The following GUCY1A2 variants were observed in gnomAD, a reference collection of about 807,000 sequenced individuals.
The protein encoded by GUCY1A2 is guanylate cyclase 1 soluble subunit alpha 2.
GUCY1A2 carries 27 observed loss-of-function variants against 63.5 expected under a neutral mutation model. The observed-to-expected ratio is 0.43, with a 90% CI of 0.31 to 0.59. The LOEUF (loss-of-function observed/expected upper bound fraction) is 0.59, where lower values mean the gene tolerates loss of function less well. GUCY1A2 is among the 20% of genes least tolerant of loss of function. GUCY1A2 has a pLI of 0.11. For synonymous variants in GUCY1A2, 364 were observed against 343.5 expected, an observed-to-expected ratio of 1.06 and a Z score of -0.66; for missense variants, 768 against 913.3, an observed-to-expected ratio of 0.84 and a Z score of 2.05.
chr11:106,855,493 A>G (rs1859417215), intron 4 of GUCY1A2, among the ~76,000 whole-genome samples: 1 of 151,572 alleles, frequency 6.6e-6, no homozygotes, highest in African/African-American at 2.4e-5. Context: ...TTTGTGGAGG[A>G]GGTGACTGCG....
At chr11:106,925,947 G>A (rs910664167) in intron 4 of GUCY1A2, among the ~76,000 whole-genome samples, 2 of 152,140 alleles carry the variant, frequency 1.3e-5, no homozygotes, top group African/African-American at 4.8e-5. Flanking sequence ...CTCTGATTAG[G>A]GTAAGGGGTA....
At chr11:106,800,980 G>C (rs533076030) in intron 5 of GUCY1A2, among the ~76,000 whole-genome samples, 2 of 152,072 alleles carry the variant, frequency 1.3e-5, no homozygotes, top group African/African-American at 2.4e-5. Context: ...CCTGTGATCA[G>C]AGCATATGCT....
At chr11:106,934,705 C>T (rs1860651458) in intron 4 of GUCY1A2, among the ~76,000 whole-genome samples, 1 of 152,100 alleles carries the variant, frequency 6.6e-6, no homozygotes, top group Non-Finnish European at 1.5e-5. Context: ...TTTTGTTATG[C>T]TTTTCCTCAG....
chr11:106,949,858 C>T (rs1392898337), intron 3 of GUCY1A2, among the ~76,000 whole-genome samples: 2 of 152,080 alleles, frequency 1.3e-5, no homozygotes, highest in East Asian at 1.9e-4. Context: ...TCTTTGGTAC[C>T]GTGCCTTGTC....
At chr11:106,857,229 T>A (rs749708105) in intron 4 of GUCY1A2, among the ~76,000 whole-genome samples, 1 of 152,086 alleles carries the variant, frequency 6.6e-6, no homozygotes, top group African/African-American at 2.4e-5. Context: ...AAGGGTCGAG[T>A]TCCTGGTGAA....
Position 106,888,337 on chromosome 11 carries a change from T to C in GUCY1A2, c.1206+51123A>G, listed in dbSNP as rs867181540. Among the ~76,000 whole-genome samples the C allele has an allele frequency of 3.3e-4, 49 of 148,130 alleles. No individual in the cohort carries two copies. The South Asian group carries it at 3.9e-3, about 12-fold the overall frequency. On this transcript the variant is annotated intron_variant, in intron 4 of 7. Coordinates refer to ENST00000526355, the MANE Select transcript of GUCY1A2 (RefSeq NM_000855.3). ...AAAATTAGCCGGGCGTGGTGGCGGG[T>C]GCCTGTAGTCCCAGCTACTCAGGAG... is the stretch of plus-strand genomic sequence containing the variant.
At chr11:106,889,813 C>A (rs888987728) in intron 4 of GUCY1A2, among the ~76,000 whole-genome samples, 3 of 152,142 alleles carry the variant, frequency 2.0e-5, no homozygotes, top group Non-Finnish European at 4.4e-5. Flanking sequence ...CAACCAAGGT[C>A]CTTCAGTGTG....
intron 4 of GUCY1A2, among the ~76,000 whole-genome samples, chr11:106,877,102 G>T (rs892652379): frequency 6.6e-6 from 1 of 151,980 alleles, no homozygotes; most frequent in Non-Finnish European, 1.5e-5. Flanking sequence ...GTTGAAAAAG[G>T]GTTCCTGATT....
chr11:106,820,253 C>A (rs915993148), intron 4 of GUCY1A2, among the ~76,000 whole-genome samples: 1 of 151,954 alleles, frequency 6.6e-6, no homozygotes, highest in Non-Finnish European at 1.5e-5. Flanking sequence ...TTATAATAAC[C>A]ATTTATTTGT....
rs74883493 is a variant in GUCY1A2 at position 106,700,657 on chromosome 11, T to C, written c.1991+7855A>G. Among the ~76,000 whole-genome samples, 115 of 152,284 alleles carry C rather than the reference T, an allele frequency of 7.6e-4. No homozygotes were observed. The East Asian group carries it at 0.02, about 26-fold the overall frequency. ...GATTATATTTCTTTTGTAAAATATG[T>C]TTACTGTTTTGGTGCTTCCATAGAG... On this transcript the variant is annotated intron_variant, in intron 7 of 7. Transcript: ENST00000526355.
intron 7 of GUCY1A2, among the ~76,000 whole-genome samples, chr11:106,704,690 TTTTA>T (rs1862876746): frequency 1.3e-5 from 2 of 152,298 alleles, no homozygotes; most frequent in South Asian, 4.1e-4. Flanking sequence ...CTTTCTACAC[TTTTA>T]GTTTGCACTG....
intron 5 of GUCY1A2, among the ~76,000 whole-genome samples, chr11:106,807,621 G>A (rs904718737): frequency 3.9e-5 from 6 of 152,116 alleles, no homozygotes; most frequent in Admixed American, 1.3e-4. Flanking sequence ...GAGTGTAAAC[G>A]TCATTGGATT....
chr11:106,880,632 C>T (rs577288244), intron 4 of GUCY1A2, among the ~76,000 whole-genome samples: 3 of 152,128 alleles, frequency 2.0e-5, no homozygotes, highest in South Asian at 4.1e-4. Flanking sequence ...TTTCTTAAAA[C>T]GTACTGGTTG....
At chr11:106,805,626 A>G (rs1209631120) in intron 5 of GUCY1A2, among the ~76,000 whole-genome samples, 2 of 152,162 alleles carry the variant, frequency 1.3e-5, no homozygotes, top group Non-Finnish European at 2.9e-5. Flanking sequence ...CTGTTTAAAA[A>G]ATATACCTCT....
intron 4 of GUCY1A2, among the ~76,000 whole-genome samples, chr11:106,893,860 G>T (rs1283056141): frequency 1.3e-5 from 2 of 152,058 alleles, no homozygotes; most frequent in Non-Finnish European, 2.9e-5. Flanking sequence ...AAAACTCCAG[G>T]GGCACCCAGT....
Position 107,017,984 on chromosome 11 carries a change from C to T in GUCY1A2, c.72G>A (p.Glu24=). The T allele has an allele frequency of 6.9e-7, 1 of 1,459,020 alleles. No homozygotes were observed. The highest frequency in any genetic ancestry group is 9.1e-7 in the Non-Finnish European group (1 of 1,094,046). 90.4% of individuals were successfully genotyped at this position (1,459,020 alleles called of 1,614,324 possible). ...LGSDYLETSP[E]EEGECPLSRL... is the part of the protein sequence containing the mutation. ...TAGACAGGGGGCACTCCCCCTCCTC[C>T]TCCGGGCTGGTCTCCAGGTAGTCGG... The change falls in exon 1 of 8, where the codon GAG becomes GAA. Residue 24 remains glutamate (E), a synonymous_variant. Coordinates refer to ENST00000526355, the MANE Select transcript of GUCY1A2 (RefSeq NM_000855.3).
At chr11:106,724,506 G>A (rs987986455) in intron 6 of GUCY1A2, among the ~76,000 whole-genome samples, 1 of 152,162 alleles carries the variant, frequency 6.6e-6, no homozygotes, top group Non-Finnish European at 1.5e-5. Flanking sequence ...TGTTTACACA[G>A]GAGGAAGCTG....
At chr11:106,770,420 T>C (rs890632969) in intron 6 of GUCY1A2, among the ~76,000 whole-genome samples, 2 of 152,164 alleles carry the variant, frequency 1.3e-5, no homozygotes, top group African/African-American at 4.8e-5. Context: ...GCAGAACTCA[T>C]GGATATGGAG....
intron 4 of GUCY1A2, among the ~76,000 whole-genome samples, chr11:106,933,148 CA>C (rs1860626976): frequency 6.6e-6 from 1 of 151,846 alleles, no homozygotes; most frequent in Non-Finnish European, 1.5e-5. Flanking sequence ...TTCTGAAAAG[CA>C]AAGTAAATGA....
Sources: allele counts gnomAD v4.1 joint callset (sites outside exome capture counted in the v4.1 genomes callset), GRCh38; gene constraint gnomAD v4.1.1; transcripts MANE v1.5; gene names NCBI Gene and HGNC (gene_info 2026-07-23, HGNC 2026-07-21).